WDFY1: variants seen among roughly 807,000 people sequenced by gnomAD.
WDFY1 encodes WD repeat and FYVE domain-containing protein 1.
WDFY1 carries 32 observed loss-of-function variants against 56.4 expected under a neutral mutation model. That is an observed-to-expected ratio of 0.57 (90% CI 0.43 to 0.76). The LOEUF is 0.76. Among genes scored for constraint, WDFY1 ranks in the 30% least tolerant of loss-of-function variants. The pLI is 0.00. For missense variants in WDFY1, 480 were observed against 545.7 expected (o/e 0.88, Z 1.20); for synonymous variants, 192 against 197.3 (o/e 0.97, Z 0.23).
At chr2:223,943,385 C>T (rs1689347758) in intron 1 of WDFY1, among the ~76,000 whole-genome samples, 1 of 152,098 alleles carries the variant, frequency 6.6e-6, no homozygotes, top group African/African-American at 2.4e-5. Context: ...TCACAATCAG[C>T]TCATTATCTA....
Position 223,927,503 on chromosome 2 carries a change from C to T in WDFY1, c.138-9493G>A, listed in dbSNP as rs188456148. On this transcript the variant is annotated intron_variant, in intron 1 of 11. Coordinates refer to ENST00000233055, the MANE Select transcript of WDFY1 (RefSeq NM_020830.5). ...AAACTTTTCTTCTGTAGCTTCCTCA[C>T]CCCTCTCAGGCTTCATAAAATCGAA... 2.0e-4 allele frequency among the ~76,000 whole-genome samples: 31 copies of T among 152,312 alleles called. 1 individual carries two copies. The East Asian group carries it at 5.6e-3, about 27-fold the overall frequency.
chr2:223,882,141 G>A (rs1310347499), intron 9 of WDFY1, 69 bp from the exon 10 acceptor site: 6 of 1,531,510 alleles, frequency 3.9e-6, no homozygotes, highest in Non-Finnish European at 5.3e-6. Flanking sequence ...TTGAGACAGA[G>A]TCTCACTCTG....
Position 223,878,604 on chromosome 2 carries a change from C to G in WDFY1, c.*67G>C, listed in dbSNP as rs373265589. ...CCATTCACGAGACAGCGCTGTGGAG[C>G]TGCGTGAGAGGGACTTCATTTGGTG... On this transcript the variant is annotated 3_prime_UTR_variant, in exon 12 of 12. Coordinates refer to ENST00000233055, the MANE Select transcript of WDFY1 (RefSeq NM_020830.5). 13 of 1,211,256 alleles carry G rather than the reference C, an allele frequency of 1.1e-5. No individual in the cohort carries two copies. The highest frequency in any genetic ancestry group is 1.8e-5 in the Admixed American group (1 of 55,156). 75.0% of individuals were successfully genotyped at this position (1,211,256 alleles called of 1,614,324 possible). A position where few individuals can be genotyped will look rare whatever the true frequency, so the allele number is the denominator to read the frequency against.
rs1383170754 is a variant in WDFY1, at chr2:223,894,184, G to C, written c.831+50C>G. 3 of 1,598,082 alleles carry C rather than the reference G, an allele frequency of 1.9e-6. No individual in the cohort carries two copies. The Admixed American group carries it at 5.1e-5, about 27-fold the overall frequency. On this transcript the variant is annotated intron_variant, in intron 8 of 11. Coordinates refer to ENST00000233055, the MANE Select transcript of WDFY1 (RefSeq NM_020830.5). ...GGGGTGAAAAGCCAAGAAGAAGCCA[G>C]GTTCCTGGGGGTCTCCCCCGATCAG...
chr2:223,891,239 C>G (rs1414365079), intron 8 of WDFY1, among the ~76,000 whole-genome samples: 1 of 151,668 alleles, frequency 6.6e-6, no homozygotes, highest in Admixed American at 6.6e-5. Context: ...TAGCCAGGTA[C>G]AGGTATGGTG....
chr2:223,899,693 C>T (rs887672317), intron 5 of WDFY1, among the ~76,000 whole-genome samples: 2 of 151,968 alleles, frequency 1.3e-5, no homozygotes, highest in African/African-American at 2.4e-5. Context: ...CTGCAGTGAG[C>T]TGAGATGGTG....
intron 1 of WDFY1, among the ~76,000 whole-genome samples, chr2:223,924,563 CA>C (rs1344386555): frequency 6.6e-6 from 1 of 152,116 alleles, no homozygotes; most frequent in Non-Finnish European, 1.5e-5. Flanking sequence ...AGGGTTTCAC[CA>C]TGTTGGCCAG....
At chr2:223,922,460 C>T (rs186726509) in intron 1 of WDFY1, among the ~76,000 whole-genome samples, 1 of 152,320 alleles carries the variant, frequency 6.6e-6, no homozygotes, top group East Asian at 1.9e-4. Flanking sequence ...GATTCTCCTC[C>T]ACCTCCAAAC....
intron 3 of WDFY1, among the ~76,000 whole-genome samples, chr2:223,911,569 CACACA>C (rs1559169913): frequency 0.014 from 262 of 18,356 alleles, 1 homozygote; most frequent in Admixed American, 0.052. Context: ...TGAATGACCA[CACACA>C]CACACACACA....
At chr2:223,915,787 C>T (rs900979846) in intron 2 of WDFY1, among the ~76,000 whole-genome samples, 1 of 152,188 alleles carries the variant, frequency 6.6e-6, no homozygotes, top group Non-Finnish European at 1.5e-5. Flanking sequence ...TTTTGGGAGA[C>T]TGGGGCAGGT....
chr2:223,918,669 T>A (rs1693836346), intron 1 of WDFY1, among the ~76,000 whole-genome samples: 1 of 151,338 alleles, frequency 6.6e-6, no homozygotes, highest in Non-Finnish European at 1.5e-5. Flanking sequence ...CATTACAAAA[T>A]GACATAGAAA....
At chr2:223,881,744 C>T (rs1693076762) in intron 10 of WDFY1, among the ~76,000 whole-genome samples, 198 bp downstream of exon 10, 3 of 151,974 alleles carry the variant, frequency 2.0e-5, no homozygotes, top group Admixed American at 1.3e-4. Context: ...GCCGAGATCA[C>T]GCCACTGCAC....
intron 3 of WDFY1, among the ~76,000 whole-genome samples, chr2:223,907,817 T>C (rs1693623547): frequency 6.6e-6 from 1 of 151,452 alleles, no homozygotes; most frequent in African/African-American, 2.4e-5. Flanking sequence ...CCACTGGATC[T>C]TTCTTCTCGG....
chr2:223,920,331 G>T (rs1332642001), intron 1 of WDFY1, among the ~76,000 whole-genome samples: 1 of 152,374 alleles, frequency 6.6e-6, no homozygotes, highest in East Asian at 1.9e-4. Flanking sequence ...ACGCGGCCAG[G>T]CCCATGAGGG....
chr2:223,939,091 T>C (rs1270013322), intron 1 of WDFY1, among the ~76,000 whole-genome samples: 3 of 152,162 alleles, frequency 2.0e-5, no homozygotes, highest in Non-Finnish European at 2.9e-5. Context: ...CCCTCCTTTC[T>C]TGTAGAGCCG....
chr2:223,919,079 G>C (rs1693845936), intron 1 of WDFY1, among the ~76,000 whole-genome samples: 1 of 152,208 alleles, frequency 6.6e-6, no homozygotes, highest in African/African-American at 2.4e-5. Flanking sequence ...CTGGGCGCCA[G>C]GCCTCTCCAT....
chr2:223,880,905 G>A (rs1693058860), intron 10 of WDFY1, among the ~76,000 whole-genome samples: 1 of 152,100 alleles, frequency 6.6e-6, no homozygotes, highest in Non-Finnish European at 1.5e-5. Flanking sequence ...TGAAACCTCT[G>A]CCATGCACAG....
chr2:223,903,552 T>C (rs1342995019), intron 4 of WDFY1, among the ~76,000 whole-genome samples: 2 of 150,686 alleles, frequency 1.3e-5, no homozygotes, highest in East Asian at 3.9e-4. Flanking sequence ...AAAAAAACCT[T>C]TGACAACCAA....
intron 8 of WDFY1, among the ~76,000 whole-genome samples, chr2:223,893,095 A>G (rs1693305850): frequency 6.6e-6 from 1 of 152,264 alleles, no homozygotes; most frequent in Non-Finnish European, 1.5e-5. Context: ...CGACATCTAT[A>G]AAAAGCCTTA....
Sources: allele counts gnomAD v4.1 joint callset (sites outside exome capture counted in the v4.1 genomes callset), GRCh38; gene constraint gnomAD v4.1.1; transcripts MANE v1.5; gene names NCBI Gene and HGNC (gene_info 2026-07-23, HGNC 2026-07-21).